MTOR: variants seen among roughly 807,000 people sequenced by gnomAD.
The protein encoded by MTOR is serine/threonine-protein kinase mTOR.
In MTOR, 70 loss-of-function variants were observed where a neutral mutation model predicts 319.8. The observed-to-expected ratio is 0.22, with a 90% confidence interval of 0.18 to 0.27. The LOEUF (loss-of-function observed/expected upper bound fraction) is 0.27, where lower values mean the gene tolerates loss of function less well. Among genes scored for constraint, MTOR ranks in the 10% least tolerant of loss-of-function variants. The probability of loss-of-function intolerance (pLI) is 1.00; values close to 1 mark genes in which losing one functional copy is unlikely to be tolerated. For missense variants in MTOR, 1,890 were observed against 3,274.4 expected (o/e 0.58, Z 10.32); for synonymous variants, 1,183 against 1,211.4 (o/e 0.98, Z 0.49).
intron 23 of MTOR, among the ~76,000 whole-genome samples, chr1:11,211,381 G>A (rs563435714): frequency 7.9e-5 from 12 of 152,182 alleles, no homozygotes; most frequent in African/African-American, 2.7e-4. Flanking sequence ...GTAGGTCTTA[G>A]GTGAGATGAG....
At chr1:11,174,452 C>T (rs76184316) in intron 28 of MTOR, among the ~76,000 whole-genome samples, 4,540 of 152,304 alleles carry the variant, frequency 0.03, 175 homozygotes, top group Admixed American at 0.071. Context: ...AATATGCCTC[C>T]AGCCTTCCAC....
intron 37 of MTOR, 97 bp downstream of exon 37, chr1:11,134,254 T>A: frequency 9.8e-7 from 1 of 1,016,216 alleles, no homozygotes; most frequent in Non-Finnish European, 1.5e-6. Flanking sequence ...ATGTCAGCAA[T>A]CAGCCACCCA....
At chr1:11,162,877 T>A (rs975892963) in intron 29 of MTOR, among the ~76,000 whole-genome samples, 1 of 152,184 alleles carries the variant, frequency 6.6e-6, no homozygotes, top group Non-Finnish European at 1.5e-5. Context: ...CCGCATCAAC[T>A]AACGAGCAAA....
intron 19 of MTOR, among the ~76,000 whole-genome samples, chr1:11,217,690 C>CG (rs940927864): frequency 5.9e-5 from 9 of 151,378 alleles, no homozygotes; most frequent in African/African-American, 2.2e-4. Flanking sequence ...CGATTACAGT[C>CG]GTGAGCCACC....
chr1:11,133,191 G>A lies in MTOR; in HGVS notation c.5253C>T (p.Phe1751=). 1 of 1,613,892 alleles carries A rather than the reference G, an allele frequency of 6.2e-7. No individual in the cohort carries two copies. Residue 1751 remains phenylalanine (F), a synonymous_variant, in exon 38 of 58, where the codon TTC becomes TTT. Transcript: ENST00000361445. The surrounding 1 kb of genome is among the most constrained non-coding windows in gnomAD (Gnocchi z 4.0). ...TCAGCTGCCACTCTCCAAGTTTCAG[G>A]AAGCATCTGGAAGCAGAGAAACAAG... ...QELHKLMARC[F]LKLGEWQLNL...
At position 11,257,005 on chromosome 1, in the gene MTOR, G is replaced by A. The variant is rs757191894; in HGVS notation, c.432C>T (p.Tyr144=). 5 of 1,614,018 alleles carry A rather than the reference G, an allele frequency of 3.1e-6. No individual in the cohort carries two copies. Among genetic ancestry groups the A allele is most frequent in the South Asian group, 2.2e-5 (2 of 91,058 alleles). Residue 144 remains tyrosine (Y), a synonymous_variant, in exon 4 of 58, where the codon TAC becomes TAT. Coordinates refer to ENST00000361445, the MANE Select transcript of MTOR (RefSeq NM_004958.4). ...GGGCTCGCTTCACCTCAAATTCCAC[G>A]TACTCAGCGGTAAAAGTGTCCCCTG... The part of the protein sequence containing the change: ...AMAGDTFTAE[Y]VEFEVKRALE...
intron 30 of MTOR, among the ~76,000 whole-genome samples, chr1:11,154,163 G>A (rs1644245477): frequency 6.9e-6 from 1 of 144,870 alleles, no homozygotes; most frequent in African/African-American, 2.6e-5. Flanking sequence ...TTGTTGGACT[G>A]AGAAAAACAA....
Position 11,232,527 on chromosome 1 carries a change from A to C in MTOR, c.2423T>G (p.Val808Gly). 1 of 1,611,978 alleles carries C rather than the reference A, an allele frequency of 6.2e-7. No homozygotes were observed. The highest frequency in any genetic ancestry group is 1.1e-5 in the South Asian group (1 of 91,014). Reference protein sequence around the residue: ...VLATIGELAQVSGLEMRKWVD... With the variant: ...VLATIGELAQGSGLEMRKWVD... The stretch of plus-strand genomic sequence containing the variant: ...CCATTTCCTCATTTCCAGGCCACTA[A>C]CCTGCAAAATGAAAAAGAGGGTGGC... The change falls in exon 16 of 58, where the codon GTT becomes GGT. Residue 808 changes from valine (V) to glycine (G), a missense_variant and splice_region_variant. Physicochemically the swap from Val to Gly is moderately radical, Grantham distance 109. Transcript: ENST00000361445.
At position 11,249,609 on chromosome 1, in the gene MTOR, T is replaced by C. The variant is rs1346541366; in HGVS notation, c.841-1515A>G. Among the ~76,000 whole-genome samples, 460 of 137,786 alleles carry C rather than the reference T, an allele frequency of 3.3e-3. 10 individuals are homozygous for C. The highest frequency in any genetic ancestry group is 1.4e-3 in the Non-Finnish European group (90 of 63,370). 90.4% of individuals were successfully genotyped at this position (137,786 alleles called of 152,430 possible). A position where few individuals can be genotyped will look rare whatever the true frequency, so the allele number is the denominator to read the frequency against. On this transcript the variant is annotated intron_variant, in intron 6 of 57. Transcript: ENST00000361445. ...TCCCTGGGTACTTGAGATTAGGGAGTGGTGATGACTCTTAATGAGCATGCT... is the reference window on the plus strand; with the variant it reads ...TCCCTGGGTACTTGAGATTAGGGAGCGGTGATGACTCTTAATGAGCATGCT...
At position 11,199,251 on chromosome 1, in the gene MTOR, G is replaced by A. The variant is rs763850708; in HGVS notation, c.4253+7C>T. ...AAGGCAGCAATTAAAAAGGGTTTAT[G>A]GCCTACCTGATGAGAGATTCTAGAA... On this transcript the variant is annotated splice_region_variant and intron_variant, in intron 28 of 57. Transcript: ENST00000361445. The surrounding 1 kb of genome is among the most constrained non-coding windows in gnomAD (Gnocchi z 4.5). 3 of 1,614,196 alleles carry A rather than the reference G, an allele frequency of 1.9e-6. No individual in the cohort carries two copies. Among genetic ancestry groups the A allele is most frequent in the East Asian group, 4.5e-5 (2 of 44,886 alleles).
intron 23 of MTOR, among the ~76,000 whole-genome samples, chr1:11,211,471 G>A (rs762704148): frequency 1.3e-5 from 2 of 152,184 alleles, no homozygotes; most frequent in South Asian, 2.1e-4. Context: ...GGGCTCAAGC[G>A]ATCCCTCTGC....
chr1:11,152,665 T>C (rs1043070232), intron 30 of MTOR, among the ~76,000 whole-genome samples: 1 of 152,178 alleles, frequency 6.6e-6, no homozygotes, highest in Non-Finnish European at 1.5e-5. Flanking sequence ...TGGAGGCAGA[T>C]AAGAATGGGG....
At chr1:11,141,464 G>C (rs1286907064) in intron 34 of MTOR, among the ~76,000 whole-genome samples, 2 of 152,018 alleles carry the variant, frequency 1.3e-5, no homozygotes, top group African/African-American at 4.8e-5. Context: ...TGCCTCCAAG[G>C]TTCAAGCGAT....
intron 28 of MTOR, chr1:11,193,495 G>T: frequency 7.9e-7 from 1 of 1,269,434 alleles, no homozygotes; most frequent in African/African-American, 1.5e-5. Context: ...GCTCTGCAGG[G>T]ACAGGAACAG....
At chr1:11,256,313 C>T in intron 4 of MTOR, 121 bp from the exon 5 acceptor site, 1 of 1,456,892 alleles carries the variant, frequency 6.9e-7, no homozygotes, top group South Asian at 1.5e-5. Context: ...GCTCACTCTT[C>T]TAGCTAGGAA....
chr1:11,239,998 C>T (rs2788572), intron 11 of MTOR, among the ~76,000 whole-genome samples: 1,755 of 151,974 alleles, frequency 0.012, 49 homozygotes, highest in African/African-American at 0.04. Flanking sequence ...GCATTACATA[C>T]CATCTCAGCT....
chr1:11,143,603 T>C (rs1226889165), intron 34 of MTOR, among the ~76,000 whole-genome samples: 3 of 152,228 alleles, frequency 2.0e-5, no homozygotes, highest in Non-Finnish European at 4.4e-5. Context: ...TAGATGTTCC[T>C]TTGCCCATTG....
chr1:11,215,572 T>C (rs959770753), intron 20 of MTOR, among the ~76,000 whole-genome samples: 2 of 152,230 alleles, frequency 1.3e-5, no homozygotes, highest in African/African-American at 4.8e-5. Context: ...ATTTAAATTA[T>C]ATAGAACACA....
chr1:11,219,052 T>C (rs1216877515), intron 19 of MTOR, among the ~76,000 whole-genome samples: 7 of 151,696 alleles, frequency 4.6e-5, no homozygotes, highest in Admixed American at 3.3e-4. Context: ...CTACCAGAAG[T>C]ACAAAAAAAT....
Sources: gnomAD v4.1 joint callset for allele counts (sites outside exome capture counted in the v4.1 genomes callset) on GRCh38, gnomAD v4.1.1 for gene constraint, Gnocchi (gnomAD v3.1) non-coding constraint, MANE v1.5 for transcripts, NCBI Gene and HGNC (gene_info 2026-07-23, HGNC 2026-07-21) for gene names.